The following PPARGC1A variants were observed in gnomAD, a reference collection of about 807,000 sequenced individuals.
The protein encoded by PPARGC1A is peroxisome proliferator-activated receptor gamma coactivator 1-alpha.
In PPARGC1A, 25 loss-of-function variants were observed where a neutral mutation model predicts 88.7. The observed-to-expected ratio is 0.28, with a 90% CI of 0.21 to 0.39. The LOEUF (loss-of-function observed/expected upper bound fraction) is 0.39. PPARGC1A is among the 10% of genes least tolerant of loss of function. The pLI, the probability that PPARGC1A is intolerant of heterozygous loss-of-function variation, is 1.00. For missense variants in PPARGC1A, 880 were observed against 968.7 expected (o/e 0.91, Z 1.22); for synonymous variants, 363 against 355.6 (o/e 1.02, Z -0.24).
chr4:23,842,792 G>A lies in PPARGC1A; in HGVS notation c.235-11041C>T, dbSNP rs189919711. ...TGTAATTTTGATAAGCAACCCAGGCGATTCTGATAATCAGGCAAGTTTGGG... is the reference window on the plus strand; with the variant it reads ...TGTAATTTTGATAAGCAACCCAGGCAATTCTGATAATCAGGCAAGTTTGGG... On this transcript the variant is annotated intron_variant, in intron 2 of 12. Coordinates refer to ENST00000264867, the MANE Select transcript of PPARGC1A (RefSeq NM_013261.5). Among the ~76,000 whole-genome samples, 572 of 152,238 alleles carry A rather than the reference G, an allele frequency of 3.8e-3. 5 individuals carry two copies. The highest frequency in any genetic ancestry group is 5.1e-3 in the Non-Finnish European group (347 of 68,000).
the PPARGC1A span, among the ~76,000 whole-genome samples, chr4:24,027,810 A>G: frequency 1.0e-3 from 157 of 152,208 alleles, no homozygotes; most frequent in African/African-American, 3.3e-3. Context: ...AAGGCTGTGG[A>G]TTTTCTCCTA....
chr4:24,286,249 A>T, the PPARGC1A span, among the ~76,000 whole-genome samples: 1 of 152,190 alleles, frequency 6.6e-6, no homozygotes, highest in African/African-American at 2.4e-5. Flanking sequence ...ACCGAGGGAA[A>T]GTTGTCCAAA....
chr4:23,811,814 T>C (rs1346387304), intron 10 of PPARGC1A, among the ~76,000 whole-genome samples: 3 of 150,018 alleles, frequency 2.0e-5, no homozygotes, highest in Admixed American at 1.3e-4. Context: ...TAAAATGTCA[T>C]TGAAAAGTAG....
the PPARGC1A span, among the ~76,000 whole-genome samples, chr4:24,415,130 CA>C: frequency 6.6e-6 from 1 of 151,494 alleles, no homozygotes; most frequent in Admixed American, 6.6e-5. Context: ...GTAGAGGTTG[CA>C]GTGAGCCAAG....
At chr4:24,357,486 C>A in the PPARGC1A span, among the ~76,000 whole-genome samples, 1 of 152,190 alleles carries the variant, frequency 6.6e-6, no homozygotes, top group African/African-American at 2.4e-5. Context: ...CTTTTTCCTG[C>A]CTGTTTTGCT....
chr4:24,362,350 CTGGATGGATGGATGGA>C, the PPARGC1A span, among the ~76,000 whole-genome samples: 12 of 149,066 alleles, frequency 8.1e-5, no homozygotes, highest in South Asian at 2.2e-4. Flanking sequence ...GAACACATGA[CTGGATGGATGGATGGA>C]TGGATGGATG....
chr4:24,200,641 TTTTA>T, the PPARGC1A span, among the ~76,000 whole-genome samples: 1 of 54,684 alleles, frequency 1.8e-5, no homozygotes, highest in Non-Finnish European at 4.6e-5. Flanking sequence ...AACCAAAATG[TTTTA>T]TTTATTAAGC....
the PPARGC1A span, among the ~76,000 whole-genome samples, chr4:24,461,127 T>C: frequency 6.6e-6 from 1 of 152,180 alleles, no homozygotes; most frequent in Admixed American, 6.5e-5. Context: ...TCTTGCTATG[T>C]TGTCCAAGCT....
the PPARGC1A span, among the ~76,000 whole-genome samples, chr4:24,058,972 A>G: frequency 6.6e-6 from 1 of 152,178 alleles, no homozygotes; most frequent in Admixed American, 6.5e-5. Flanking sequence ...TAATATAGCT[A>G]ACCAGAGAAA....
chr4:23,995,916 CT>C, the PPARGC1A span, among the ~76,000 whole-genome samples: 2 of 152,246 alleles, frequency 1.3e-5, no homozygotes, highest in East Asian at 3.9e-4. Context: ...ACACAGAATG[CT>C]TCAGAAGAAA....
chr4:24,203,302 G>A, the PPARGC1A span, among the ~76,000 whole-genome samples: 4,048 of 152,256 alleles, frequency 0.027, 180 homozygotes, highest in African/African-American at 0.091. Context: ...ACTTTGGGAG[G>A]CCAAGGCAGG....
chr4:24,030,668 A>AG, the PPARGC1A span, among the ~76,000 whole-genome samples: 1 of 152,162 alleles, frequency 6.6e-6, no homozygotes. Flanking sequence ...AACTCTCATC[A>AG]GCCTTCCTTT....
the PPARGC1A span, among the ~76,000 whole-genome samples, chr4:24,324,018 G>A: frequency 9.9e-5 from 15 of 152,234 alleles, no homozygotes; most frequent in Admixed American, 3.3e-4. Context: ...CGTTTTGTCC[G>A]TGGACCCAAA....
chr4:24,168,642 G>GACACACACAC, the PPARGC1A span, among the ~76,000 whole-genome samples: 1 of 148,092 alleles, frequency 6.8e-6, no homozygotes. Flanking sequence ...CACAGACATA[G>GACACACACAC]ACACACACAC....
chr4:24,022,743 T>A, the PPARGC1A span, among the ~76,000 whole-genome samples: 2 of 152,216 alleles, frequency 1.3e-5, no homozygotes, highest in Non-Finnish European at 2.9e-5. Flanking sequence ...CCAGCCCACA[T>A]GACCACTCAG....
intron 2 of PPARGC1A, chr4:23,882,627 G>A (rs1439656952): frequency 6.6e-6 from 1 of 152,064 alleles, no homozygotes; most frequent in Non-Finnish European, 1.5e-5. Context: ...CTTTGGTTGA[G>A]AATCATTGGT....
intron 2 of PPARGC1A, among the ~76,000 whole-genome samples, chr4:23,844,506 A>C (rs1482519709): frequency 1.2e-4 from 2 of 16,814 alleles, no homozygotes; most frequent in Admixed American, 2.2e-3. Flanking sequence ...TATATAATAT[A>C]ATAATATAAT....
chr4:24,158,562 A>C, the PPARGC1A span, among the ~76,000 whole-genome samples: 1 of 152,222 alleles, frequency 6.6e-6, no homozygotes, highest in African/African-American at 2.4e-5. Context: ...TATTGTAATT[A>C]GTCTGAAAGA....
At chr4:24,088,046 T>C in the PPARGC1A span, among the ~76,000 whole-genome samples, 2 of 152,136 alleles carry the variant, frequency 1.3e-5, no homozygotes, top group Non-Finnish European at 2.9e-5. Flanking sequence ...TGATAAAATA[T>C]AATGTGAAAA....
Sources: allele counts gnomAD v4.1 joint callset (sites outside exome capture counted in the v4.1 genomes callset), GRCh38; gene constraint gnomAD v4.1.1; transcripts MANE v1.5; gene names NCBI Gene and HGNC (gene_info 2026-07-23, HGNC 2026-07-21).